CRPPA: variants seen among roughly 807,000 people sequenced by gnomAD.
CRPPA encodes CDP-L-ribitol pyrophosphorylase A, also known as D-ribitol-5-phosphate cytidylyltransferase.
Under a neutral mutation model 52.0 loss-of-function variants are expected in CRPPA, and 43 were observed. The ratio of observed to expected loss-of-function variants is 0.83; its 90% CI spans 0.65 to 1.07. The LOEUF is 1.07. Among genes scored for constraint, CRPPA ranks in the 50% least tolerant of loss-of-function variants. The probability of loss-of-function intolerance (pLI) is 0.00; values close to 1 mark genes in which losing one functional copy is unlikely to be tolerated. For missense variants in CRPPA, 629 were observed against 551.7 expected, an observed-to-expected ratio of 1.14 and a Z score of -1.40; for synonymous variants, 250 against 203.5, an observed-to-expected ratio of 1.23 and a Z score of -1.94.
chr7:16,398,925 T>C (rs1040835746), intron 2 of CRPPA, among the ~76,000 whole-genome samples: 4 of 151,622 alleles, frequency 2.6e-5, no homozygotes, highest in African/African-American at 9.7e-5. Context: ...CATGATCGAG[T>C]CGTTACTGAC....
At chr7:16,312,323 T>C (rs1375663624) in intron 3 of CRPPA, among the ~76,000 whole-genome samples, 1 of 152,000 alleles carries the variant, frequency 6.6e-6, no homozygotes, top group African/African-American at 2.4e-5. Context: ...TCAAAAAAGG[T>C]TTTGTACATT....
At chr7:16,370,176 C>T (rs927403193) in intron 3 of CRPPA, among the ~76,000 whole-genome samples, 6 of 152,188 alleles carry the variant, frequency 3.9e-5, no homozygotes, top group African/African-American at 1.4e-4. Flanking sequence ...AAGCTCACAA[C>T]TGAATTCTGT....
intron 2 of CRPPA, among the ~76,000 whole-genome samples, chr7:16,402,710 A>T (rs1199200981): frequency 6.6e-6 from 1 of 152,142 alleles, no homozygotes; most frequent in Non-Finnish European, 1.5e-5. Context: ...AAAAAAAAAA[A>T]AATGAGAAAT....
chr7:16,332,093 G>C (rs140746350), intron 3 of CRPPA, among the ~76,000 whole-genome samples: 13 of 152,170 alleles, frequency 8.5e-5, no homozygotes, highest in African/African-American at 2.9e-4. Context: ...CTTACCTATA[G>C]AAGGGCAAGG....
chr7:16,298,882 G>A (rs982300165), intron 5 of CRPPA, among the ~76,000 whole-genome samples: 2 of 152,164 alleles, frequency 1.3e-5, no homozygotes, highest in Non-Finnish European at 1.5e-5. Flanking sequence ...ACAGGTTCTG[G>A]GTCTTCTTGG....
At position 16,089,174 on chromosome 7, in the gene CRPPA, G is replaced by A. The variant is rs559271885; in HGVS notation, c.*2521C>T. 10 of 296,178 alleles carry A rather than the reference G, an allele frequency of 3.4e-5. No individual in the cohort carries two copies. The highest frequency in any genetic ancestry group is 6.4e-5 in the African/African-American group (3 of 46,550). The allele number at this position is 296,178 out of a possible 1,614,324, so 18.3% of individuals were successfully genotyped here. A position where few individuals can be genotyped will look rare whatever the true frequency, so the allele number is the denominator to read the frequency against. ...ATAAAACATAAAAATACATATATAC[G>A]TACGTATATACATATATGTGTGTAT... is the stretch of plus-strand genomic sequence containing the variant. On this transcript the variant is annotated 3_prime_UTR_variant, in exon 10 of 10. Coordinates refer to ENST00000407010, the MANE Select transcript of CRPPA (RefSeq NM_001101426.4).
At chr7:16,101,952 A>C (rs1016716377) in intron 9 of CRPPA, among the ~76,000 whole-genome samples, 1 of 152,186 alleles carries the variant, frequency 6.6e-6, no homozygotes, top group Non-Finnish European at 1.5e-5. Flanking sequence ...ATTAGAAAAA[A>C]CTACCTTAAA....
At position 16,144,861 on chromosome 7, in the gene CRPPA, A is replaced by ATACC. The variant is rs542585953; in HGVS notation, c.1252-53066_1252-53063dup. Among the ~76,000 whole-genome samples the ATACC allele has an allele frequency of 2.9e-3, 446 of 152,254 alleles. 3 individuals are homozygous for ATACC. The highest frequency in any genetic ancestry group is 0.01 in the African/African-American group (428 of 41,542). ...TCCTCTAGCTGCGCTGTCAGGTAAA[A>ATACC]TACCTGTGTCAGTGTACTTCTTTCA... is the stretch of plus-strand genomic sequence containing the variant. On this transcript the variant is annotated intron_variant, in intron 9 of 9. Transcript: ENST00000407010.
chr7:16,408,950 G>A (rs1389073075), intron 1 of CRPPA, among the ~76,000 whole-genome samples: 1 of 152,144 alleles, frequency 6.6e-6, no homozygotes, highest in East Asian at 1.9e-4. Flanking sequence ...CACCCAGGCT[G>A]GAGTGCAGTG....
chr7:16,145,627 A>T (rs190369060), intron 9 of CRPPA, among the ~76,000 whole-genome samples: 19 of 116,284 alleles, frequency 1.6e-4, no homozygotes, highest in African/African-American at 5.1e-4. Context: ...TTTAACTTAT[A>T]AATAAAAACT....
At chr7:16,179,210 C>G (rs1781363548) in intron 9 of CRPPA, among the ~76,000 whole-genome samples, 1 of 152,004 alleles carries the variant, frequency 6.6e-6, no homozygotes, top group South Asian at 2.1e-4. Flanking sequence ...CATTGAATTT[C>G]TTTTTGTTCT....
chr7:16,223,118 G>A (rs1035585607), intron 8 of CRPPA, among the ~76,000 whole-genome samples: 1 of 151,798 alleles, frequency 6.6e-6, no homozygotes, highest in African/African-American at 2.4e-5. Context: ...AAGGCGAAAT[G>A]CTGTCTCTAC....
intron 9 of CRPPA, among the ~76,000 whole-genome samples, chr7:16,191,133 T>A (rs1329449209): frequency 1.3e-5 from 2 of 152,114 alleles, no homozygotes; most frequent in Non-Finnish European, 2.9e-5. Context: ...TAATGACTTC[T>A]TTTTCTCTGG....
intron 9 of CRPPA, among the ~76,000 whole-genome samples, chr7:16,132,745 T>C (rs1053598428): frequency 2.4e-5 from 3 of 125,014 alleles, no homozygotes; most frequent in African/African-American, 7.8e-5. Flanking sequence ...GCAAACATTG[T>C]AGCCTAGAAA....
intron 2 of CRPPA, among the ~76,000 whole-genome samples, chr7:16,404,910 C>T (rs913202028): frequency 2.6e-5 from 4 of 152,114 alleles, no homozygotes; most frequent in Admixed American, 2.6e-4. Context: ...ACCTTAAATA[C>T]CATTTATCCT....
chr7:16,415,014 C>A (rs1357074621), intron 1 of CRPPA, among the ~76,000 whole-genome samples: 1 of 149,964 alleles, frequency 6.7e-6, no homozygotes, highest in Non-Finnish European at 1.5e-5. Flanking sequence ...ACAACATAAT[C>A]TTGATATGTT....
intron 9 of CRPPA, among the ~76,000 whole-genome samples, chr7:16,115,710 C>T (rs6461223): frequency 0.83 from 126,114 of 152,138 alleles, 52,668 homozygotes; most frequent in Admixed American, 0.89. Flanking sequence ...TGTAGGGACA[C>T]CCTCAAAATC....
At chr7:16,198,297 C>T (rs1275355568) in intron 9 of CRPPA, among the ~76,000 whole-genome samples, 1 of 32,048 alleles carries the variant, frequency 3.1e-5, no homozygotes, top group African/African-American at 1.4e-4. Flanking sequence ...AGGGAAAAAC[C>T]GCCTTAGGGC....
chr7:16,162,617 T>C (rs1780926803), intron 9 of CRPPA, among the ~76,000 whole-genome samples: 1 of 152,234 alleles, frequency 6.6e-6, no homozygotes, highest in Non-Finnish European at 1.5e-5. Flanking sequence ...AATTTTAGAA[T>C]ACGTGTGATG....
Sources: gnomAD v4.1 joint callset for allele counts (sites outside exome capture counted in the v4.1 genomes callset) on GRCh38, gnomAD v4.1.1 for gene constraint, MANE v1.5 for transcripts, NCBI Gene and HGNC (gene_info 2026-07-23, HGNC 2026-07-21) for gene names.